The following RAD54L2 variants were observed in gnomAD, a reference collection of about 807,000 sequenced individuals.
The protein encoded by RAD54L2 is RAD54 like 2.
In RAD54L2, 27 loss-of-function variants were observed where a neutral mutation model predicts 138.4. That is an observed-to-expected ratio of 0.20 (90% confidence interval 0.14 to 0.27). The LOEUF (loss-of-function observed/expected upper bound fraction) is 0.27. Ranked by LOEUF, RAD54L2 falls within the 10% of genes least tolerant of loss-of-function variation. The pLI, the probability that RAD54L2 is intolerant of heterozygous loss-of-function variation, is 1.00. For synonymous variants in RAD54L2, 644 were observed against 723.2 expected (o/e 0.89, Z 1.76); for missense variants, 1,396 against 1,890.2 (o/e 0.74, Z 4.85).
At chr3:51,593,615 AGCCACTGTGCCCG>A (rs941169750) in intron 3 of RAD54L2, among the ~76,000 whole-genome samples, 2 of 152,150 alleles carry the variant, frequency 1.3e-5, no homozygotes, top group Admixed American at 6.5e-5. Flanking sequence ...TACAGGCGTG[AGCCACTGTGCCCG>A]GCCACTTCAG....
chr3:51,542,664 C>T (rs1358027632), intron 2 of RAD54L2, among the ~76,000 whole-genome samples: 2 of 152,066 alleles, frequency 1.3e-5, no homozygotes, highest in Non-Finnish European at 1.5e-5. Flanking sequence ...GGGGTTTCAT[C>T]GTGTTAGCCA....
At chr3:51,613,736 G>C (rs1293257406) in intron 3 of RAD54L2, among the ~76,000 whole-genome samples, 1 of 148,992 alleles carries the variant, frequency 6.7e-6, no homozygotes, top group Non-Finnish European at 1.5e-5. Context: ...CTGCATTCCA[G>C]CCTGGGCGAT....
Position 51,592,867 on chromosome 3 carries a change from C to T in RAD54L2, c.139+2308C>T, listed in dbSNP as rs1397292178. 5.3e-5 allele frequency among the ~76,000 whole-genome samples: 8 copies of T among 152,108 alleles called. No individual in the cohort carries two copies. The East Asian group carries it at 5.8e-4, about 11-fold the overall frequency. Reference sequence around the variant, plus strand: ...TGGGATTACAGGCGTGATCCACACCCGGCCTAAAGCTTTTCTTTTCCTCTC... The same window carrying T: ...TGGGATTACAGGCGTGATCCACACCTGGCCTAAAGCTTTTCTTTTCCTCTC... On this transcript the variant is annotated intron_variant, in intron 3 of 22. Transcript: ENST00000684192.
chr3:51,647,575 A>C (rs373904974), intron 19 of RAD54L2, among the ~76,000 whole-genome samples: 31 of 152,146 alleles, frequency 2.0e-4, no homozygotes, highest in African/African-American at 7.2e-4. Context: ...AGGCTGAGGC[A>C]GGAGAATTGC....
chr3:51,632,460 ATTGT>A (rs930065432), intron 7 of RAD54L2, among the ~76,000 whole-genome samples: 7 of 152,064 alleles, frequency 4.6e-5, no homozygotes, highest in Non-Finnish European at 7.4e-5. Context: ...CACCCGGCTA[ATTGT>A]TTGTATTTTT....
chr3:51,658,734 A>G (rs1701672735), intron 21 of RAD54L2, among the ~76,000 whole-genome samples: 1 of 152,138 alleles, frequency 6.6e-6, no homozygotes, highest in Admixed American at 6.5e-5. Flanking sequence ...ACTCATAGAA[A>G]ACACCATTCC....
chr3:51,542,254 A>T (rs1440370914), intron 2 of RAD54L2, among the ~76,000 whole-genome samples: 2 of 152,104 alleles, frequency 1.3e-5, no homozygotes, highest in Non-Finnish European at 2.9e-5. Flanking sequence ...TCAAGCTTTG[A>T]GGGTGGTCAG....
Position 51,639,661 on chromosome 3 carries a change from A to C in RAD54L2, c.2103A>C (p.Thr701=). 6.2e-7 allele frequency: 1 copy of C among 1,613,708 alleles called. No homozygotes were observed. The highest frequency in any genetic ancestry group is 1.1e-5 in the South Asian group (1 of 90,994). The change falls in exon 13 of 23, where the codon ACA becomes ACC. Residue 701 remains threonine (T), a synonymous_variant. Transcript: ENST00000684192. ...AGGAGCGAGGCAACAACATTGTCAC[A>C]TATGAATGGGTGAGTCAAGCAGATC... ...PFQERGNNIV[T]YEWAKDLLTN...
intron 19 of RAD54L2, among the ~76,000 whole-genome samples, chr3:51,653,637 T>C (rs1273800531): frequency 6.6e-6 from 1 of 152,130 alleles, no homozygotes; most frequent in African/African-American, 2.4e-5. Flanking sequence ...TGTAGGGACA[T>C]GGATGAAGCT....
rs533478377 is a variant in RAD54L2 at position 51,553,687 on chromosome 3, G to C, written c.-55+12037G>C. 9.6e-4 allele frequency among the ~76,000 whole-genome samples: 146 copies of C among 152,194 alleles called. 1 individual carries two copies. Among genetic ancestry groups the C allele is most frequent in the Non-Finnish European group, 1.7e-3 (116 of 68,018 alleles). ...ACAAAACGTTTTAAAAATTAGCCGA[G>C]TGTTGCAGTGTACACCTGTTTAGTC... On this transcript the variant is annotated intron_variant, in intron 2 of 22. Transcript: ENST00000684192.
At chr3:51,657,304 C>G (rs566536780) in intron 20 of RAD54L2, among the ~76,000 whole-genome samples, 1 of 152,190 alleles carries the variant, frequency 6.6e-6, no homozygotes, top group Non-Finnish European at 1.5e-5. Flanking sequence ...ATTTTTCACA[C>G]CAAAAACTAT....
At position 51,660,094 on chromosome 3, in the gene RAD54L2, G is replaced by A. The variant is rs1200982187; in HGVS notation, c.3385G>A (p.Glu1129Lys). The change falls in exon 22 of 23, where the codon GAA (glutamate) becomes AAA (lysine). Residue 1129 changes from glutamate to lysine, a missense_variant. Glu to Lys is a moderately conservative substitution (Grantham distance 56). Coordinates refer to ENST00000684192, the MANE Select transcript of RAD54L2 (RefSeq NM_015106.4). Reference sequence around the variant, plus strand: ...GGCAACTGGCAAACCAAAGGTTCCTGAAGATGGTCGGATGGCTGCCTCAGG... The same window carrying A: ...GGCAACTGGCAAACCAAAGGTTCCTAAAGATGGTCGGATGGCTGCCTCAGG... The part of the protein sequence containing the change: ...VRATGKPKVP[E>K]DGRMAASGSQ... The A allele has an allele frequency of 5.0e-6, 8 of 1,601,134 alleles. No homozygotes were observed. In the South Asian group the frequency reaches 7.7e-5, roughly 15 times the overall value.
At chr3:51,566,466 GTTTTTTTTTTTTTTTT>G (rs71084149) in intron 2 of RAD54L2, among the ~76,000 whole-genome samples, 21 of 31,532 alleles carry the variant, frequency 6.7e-4, no homozygotes, top group South Asian at 8.4e-4. Context: ...CCTTTTCTGC[GTTTTTTTTTTTTTTTT>G]TTTTTTTTTT....
chr3:51,629,742 A>ATT (rs1416325162), intron 5 of RAD54L2, among the ~76,000 whole-genome samples: 1 of 152,142 alleles, frequency 6.6e-6, no homozygotes, highest in African/African-American at 2.4e-5. Flanking sequence ...GTGAGCCTGT[A>ATT]ATCCCAGCTA....
chr3:51,574,211 T>C (rs1000447091), intron 2 of RAD54L2, among the ~76,000 whole-genome samples: 3 of 152,224 alleles, frequency 2.0e-5, no homozygotes, highest in Non-Finnish European at 2.9e-5. Flanking sequence ...TTCCATGGTG[T>C]ATGTGTACCA....
Position 51,663,231 on chromosome 3 carries a change from G to C in RAD54L2, c.4215G>C (p.Leu1405Phe). 6.2e-7 allele frequency: 1 copy of C among 1,613,910 alleles called. No homozygotes were observed. Among genetic ancestry groups the C allele is most frequent in the Non-Finnish European group, 8.5e-7 (1 of 1,179,886 alleles). ...TTGCGCCTTTTCCTTCCCCTGTCTT[G>C]CCCAGCAACCTTTCGCGGGGCATGT... ...RMFAPFPSPV[L>F]PSNLSRGMSI... Residue 1405 changes from leucine to phenylalanine, a missense_variant, in exon 23 of 23, where the codon TTG becomes TTC. By Grantham distance (22) the Leu-to-Phe change is conservative. Around this residue, in one of 7 missense-constraint regions of RAD54L2, gnomAD observed 634 missense variants for 711.2 expected, o/e 0.89. Transcript: ENST00000684192.
intron 10 of RAD54L2, among the ~76,000 whole-genome samples, chr3:51,636,623 T>C (rs1421626892): frequency 1.3e-5 from 2 of 152,212 alleles, no homozygotes; most frequent in African/African-American, 4.8e-5. Flanking sequence ...AAGTCAGTTA[T>C]ACTTTTCACA....
chr3:51,622,787 A>G (rs1309261710), intron 3 of RAD54L2, among the ~76,000 whole-genome samples: 2 of 152,152 alleles, frequency 1.3e-5, no homozygotes, highest in Non-Finnish European at 2.9e-5. Context: ...TCCTCACCTA[A>G]GTCTCCCTTG....
In RAD54L2 at chr3:51,668,065, C is replaced by CTGTG. The variant is rs35035597; in HGVS notation, c.*4662_*4665dup. On this transcript the variant is annotated 3_prime_UTR_variant, in exon 23 of 23. Coordinates refer to ENST00000684192, the MANE Select transcript of RAD54L2 (RefSeq NM_015106.4). The stretch of plus-strand genomic sequence containing the variant: ...CTCCCTGGAAGAGAGCTCAGCCCAG[C>CTGTG]TGTGTGTGTGTGTGTGTGTGAGTGT... 2,993 of 150,002 alleles carry CTGTG rather than the reference C, an allele frequency of 0.02. 89 individuals carry two copies. The highest frequency in any genetic ancestry group is 0.07 in the African/African-American group (2,827 of 40,662). The allele number at this position is 150,002 out of a possible 1,614,324, so 9.3% of individuals were successfully genotyped here.
Sources: gnomAD v4.1 joint callset for allele counts (sites outside exome capture counted in the v4.1 genomes callset) on GRCh38, gnomAD v4.1.1 for gene constraint, gnomAD v4.1.1 regional missense constraint, MANE v1.5 for transcripts, NCBI Gene and HGNC (gene_info 2026-07-23, HGNC 2026-07-21) for gene names.